Variants in PEX1 observed in about 807,000 individuals in gnomAD.
PEX1 encodes peroxisomal ATPase PEX1.
A neutral mutation model predicts 152.5 loss-of-function variants in PEX1; 97 were observed. The observed-to-expected ratio is 0.64, with a 90% CI of 0.54 to 0.75. The LOEUF (loss-of-function observed/expected upper bound fraction) is 0.75. PEX1 is among the 30% of genes least tolerant of loss of function. PEX1 has a pLI of 0.00. For missense variants in PEX1, 1,357 were observed against 1,516.3 expected, an observed-to-expected ratio of 0.89 and a Z score of 1.74; for synonymous variants, 485 against 531.6, an observed-to-expected ratio of 0.91 and a Z score of 1.21.
chr7:92,488,121 A>G (rs1420144855), intron 23 of PEX1, among the ~76,000 whole-genome samples: 2 of 152,234 alleles, frequency 1.3e-5, no homozygotes, highest in Non-Finnish European at 2.9e-5. Flanking sequence ...ACATTTAAAA[A>G]CAATAAAGTA....
intron 6 of PEX1, among the ~76,000 whole-genome samples, 193 bp downstream of exon 6, chr7:92,513,655 T>A (rs988821018): frequency 5.3e-5 from 8 of 152,186 alleles, no homozygotes; most frequent in Non-Finnish European, 1.2e-4. Context: ...ATATTATGAA[T>A]GTAATTAATG....
chr7:92,492,839 T>C (rs576995579), intron 20 of PEX1, 114 bp downstream of exon 20: 2 of 819,028 alleles, frequency 2.4e-6, no homozygotes, highest in East Asian at 2.4e-5. Context: ...TTTATGTTTC[T>C]ATACAGTTTT....
intron 13 of PEX1, among the ~76,000 whole-genome samples, 191 bp downstream of exon 13, chr7:92,502,850 G>A (rs1055810708): frequency 6.6e-6 from 1 of 152,168 alleles, no homozygotes; most frequent in Non-Finnish European, 1.5e-5. Flanking sequence ...CTTGGAAAGC[G>A]CATACTAACA....
At chr7:92,491,057 C>T (rs773984606) in intron 21 of PEX1, among the ~76,000 whole-genome samples, 3 of 152,168 alleles carry the variant, frequency 2.0e-5, no homozygotes, top group Non-Finnish European at 4.4e-5. Context: ...CACAACCACG[C>T]GCTACTTTGG....
chr7:92,515,091 A>ATATATC (rs1792673752), intron 5 of PEX1, among the ~76,000 whole-genome samples: 13 of 4,228 alleles, frequency 3.1e-3, no homozygotes, highest in African/African-American at 0.014. Flanking sequence ...ATATATATAT[A>ATATATC]TATATATATA....
At chr7:92,493,239 CTT>C in intron 19 of PEX1, 110 bp from the exon 20 acceptor site, 1 of 641,086 alleles carries the variant, frequency 1.6e-6, no homozygotes, top group Non-Finnish European at 2.6e-6. Flanking sequence ...ATCTAAAAAG[CTT>C]TATAAGTAAG....
chr7:92,502,215 G>A (rs1004645853), intron 13 of PEX1, 136 bp from the exon 14 acceptor site: 1 of 648,576 alleles, frequency 1.5e-6, no homozygotes, highest in Admixed American at 2.6e-5. Context: ...GATGGAGCAG[G>A]GGAGGAATGG....
intron 8 of PEX1, among the ~76,000 whole-genome samples, chr7:92,510,143 CA>C (rs35337329): frequency 0.75 from 103,186 of 137,828 alleles, 37,954 homozygotes; most frequent in South Asian, 0.83. Context: ...GACTCCATCT[CA>C]AAAAAAAAAA....
chr7:92,518,909 T>C, intron 3 of PEX1, 86 bp downstream of exon 3: 2 of 993,670 alleles, frequency 2.0e-6, no homozygotes, highest in Admixed American at 1.8e-5. Flanking sequence ...TCAGAATATA[T>C]AATAAAGCTT....
chr7:92,510,715 G>A, intron 8 of PEX1: 1 of 326,344 alleles, frequency 3.1e-6, no homozygotes, highest in Non-Finnish European at 5.6e-6. Context: ...TCTATTCTTG[G>A]AACTTAATTG....
intron 15 of PEX1, 108 bp downstream of exon 15, chr7:92,501,399 A>G: frequency 1.2e-6 from 1 of 829,380 alleles, no homozygotes; most frequent in Non-Finnish European, 2.1e-6. Context: ...CTCAGTAAAC[A>G]CTTGTTGACT....
chr7:92,487,494 GT>G lies in PEX1; in HGVS notation c.3814del (p.Thr1272GlnfsTer9). The G allele has an allele frequency of 6.3e-7, 1 of 1,595,816 alleles. No individual in the cohort carries two copies. The highest frequency in any genetic ancestry group is 8.6e-7 in the Non-Finnish European group (1 of 1,166,224). On this transcript the variant is annotated frameshift_variant, in exon 24 of 24. Transcript: ENST00000248633. LOFTEE classifies it high-confidence loss of function. ...NPKRRKNQSG[T>X]MFRPGQKVTL... ...TACTTTCTGTCCAGGTCGAAACATT[GT>G]TCCACTTTGATTTTTTCTCCTCTTT... is the stretch of plus-strand genomic sequence containing the variant.
chr7:92,517,081 T>C (rs1485093316), intron 5 of PEX1, among the ~76,000 whole-genome samples, 195 bp downstream of exon 5: 1 of 152,218 alleles, frequency 6.6e-6, no homozygotes, highest in African/African-American at 2.4e-5. Flanking sequence ...TCAAGCTTAC[T>C]TGGCCAGAAA....
chr7:92,521,716 T>C (rs779130453), intron 2 of PEX1, among the ~76,000 whole-genome samples: 1 of 152,198 alleles, frequency 6.6e-6, no homozygotes, highest in Non-Finnish European at 1.5e-5. Context: ...GGATTATAGG[T>C]GTGAGCCACC....
Position 92,506,353 on chromosome 7 carries a change from T to C in PEX1, c.1804-9A>G. 1 of 1,535,952 alleles carries C rather than the reference T, an allele frequency of 6.5e-7. No homozygotes were observed. Among genetic ancestry groups the C allele is most frequent in the South Asian group, 1.1e-5 (1 of 89,478 alleles). ...GTTGATTTTCCACTTCCCTAGAAAA[T>C]AATTGCTTTATAGGAATTCCCAATA... On this transcript the variant is annotated splice_polypyrimidine_tract_variant and intron_variant, in intron 10 of 23. Coordinates refer to ENST00000248633, the MANE Select transcript of PEX1 (RefSeq NM_000466.3).
chr7:92,506,801 A>C, intron 10 of PEX1, 193 bp downstream of exon 10: 3 of 614,242 alleles, frequency 4.9e-6, no homozygotes, highest in Non-Finnish European at 8.6e-6. Context: ...CTTATTCGTC[A>C]TCACTCCCCC....
At chr7:92,495,400 C>T (rs187997967) in intron 17 of PEX1, among the ~76,000 whole-genome samples, 1 of 152,168 alleles carries the variant, frequency 6.6e-6, no homozygotes, top group Admixed American at 6.5e-5. Flanking sequence ...CCAGAATTAT[C>T]TGCTACTTGA....
intron 17 of PEX1, among the ~76,000 whole-genome samples, chr7:92,496,135 A>G (rs1198789810): frequency 4.6e-5 from 7 of 152,030 alleles, no homozygotes; most frequent in Non-Finnish European, 8.8e-5. Flanking sequence ...CTGCATATGT[A>G]TTTTATGTAT....
At chr7:92,510,844 T>C in intron 8 of PEX1, 100 bp downstream of exon 8, 1 of 668,572 alleles carries the variant, frequency 1.5e-6, no homozygotes, top group South Asian at 1.8e-5. Flanking sequence ...AGGTTTTTAA[T>C]ACACTTCACA....
Sources: gnomAD v4.1 joint callset for allele counts (sites outside exome capture counted in the v4.1 genomes callset) on GRCh38, gnomAD v4.1.1 for gene constraint, MANE v1.5 for transcripts, NCBI Gene and HGNC (gene_info 2026-07-23, HGNC 2026-07-21) for gene names.